The following RSBN1 variants were observed in gnomAD, a reference collection of about 807,000 sequenced individuals.
The protein encoded by RSBN1 is round spermatid basic protein 1, also known as lysine-specific demethylase 9.
RSBN1 carries 23 observed loss-of-function variants against 74.8 expected under a neutral mutation model. The observed-to-expected ratio is 0.31, with a 90% CI of 0.22 to 0.44. RSBN1 has a LOEUF of 0.44. RSBN1 is among the 20% of genes least tolerant of loss of function. RSBN1 has a pLI of 1.00. For missense variants in RSBN1, 808 were observed against 1,020.9 expected, an observed-to-expected ratio of 0.79 and a Z score of 2.84; for synonymous variants, 407 against 379.6, an observed-to-expected ratio of 1.07 and a Z score of -0.84.
At chr1:113,784,847 T>C (rs78491726) in intron 2 of RSBN1, among the ~76,000 whole-genome samples, 21,579 of 152,220 alleles carry the variant, frequency 0.14, 1,950 homozygotes, top group East Asian at 0.23. Context: ...GGAGTTGTTA[T>C]GGGTCAGTGA....
chr1:113,777,166 T>C, intron 4 of RSBN1, 44 bp downstream of exon 4: 3 of 1,569,076 alleles, frequency 1.9e-6, no homozygotes, highest in Non-Finnish European at 2.6e-6. Flanking sequence ...AGCAACCAAC[T>C]AAAAAAAAGT....
rs761363506 is a variant in RSBN1, at chr1:113,766,085, T to C, written c.2304A>G (p.Leu768=). 7 of 1,614,118 alleles carry C rather than the reference T, an allele frequency of 4.3e-6. No individual in the cohort carries two copies. The highest frequency in any genetic ancestry group is 2.2e-5 in the South Asian group (2 of 91,082). ...SSFPPASELN[L]QQDQKTQPIP... is the part of the protein sequence containing the mutation. ...TAGGCTGAGTCTTCTGATCTTGCTG[T>C]AGATTAAGTTCTGATGCAGGTGGGA... Residue 768 remains leucine, a synonymous_variant, in exon 7 of 7, where the codon CTA becomes CTG. Transcript: ENST00000261441.
intron 1 of RSBN1, among the ~76,000 whole-genome samples, chr1:113,805,997 AT>A (rs1173645518): frequency 6.6e-6 from 1 of 152,210 alleles, no homozygotes; most frequent in Non-Finnish European, 1.5e-5. Context: ...CACAGTTTAA[AT>A]TTCGTATGAT....
chr1:113,793,950 A>G (rs1230853664), intron 2 of RSBN1, among the ~76,000 whole-genome samples: 1 of 152,164 alleles, frequency 6.6e-6, no homozygotes, highest in Non-Finnish European at 1.5e-5. Flanking sequence ...TACAGATGTG[A>G]GACACCATGC....
At position 113,811,903 on chromosome 1, in the gene RSBN1, G is replaced by T; in HGVS notation, c.510C>A (p.Leu170=). 1 of 1,609,796 alleles carries T rather than the reference G, an allele frequency of 6.2e-7. No homozygotes were observed. The change falls in exon 1 of 7, where the codon CTC becomes CTA. Residue 170 remains leucine (L), a synonymous_variant. Coordinates refer to ENST00000261441, the MANE Select transcript of RSBN1 (RefSeq NM_018364.5). ...TCACCGTCAGAGGCGAGAAGGTGAA[G>T]AGGGCCGAGGTGCTTGGGGCCGGGA... ...APLPAPSTSA[L]FTFSPLTVSA...
intron 4 of RSBN1, among the ~76,000 whole-genome samples, chr1:113,775,793 C>T (rs1431102838): frequency 6.6e-6 from 1 of 152,226 alleles, no homozygotes; most frequent in Non-Finnish European, 1.5e-5. Flanking sequence ...GCAACAAAAA[C>T]TGCTATAATC....
chr1:113,797,231 C>T (rs867879448), intron 2 of RSBN1, 132 bp downstream of exon 2: 14 of 747,630 alleles, frequency 1.9e-5, no homozygotes, highest in East Asian at 8.1e-5. Context: ...GAGGAAGAGA[C>T]AAACAATTTG....
chr1:113,777,629 TAAGTA>T (rs758808276), intron 3 of RSBN1, 37 bp downstream of exon 3: 238 of 1,570,966 alleles, frequency 1.5e-4, no homozygotes, highest in Non-Finnish European at 1.9e-4. Flanking sequence ...AGTGCCCACT[TAAGTA>T]AAGATCAAAA....
intron 3 of RSBN1, 47 bp from the exon 4 acceptor site, chr1:113,777,399 T>G (rs956895258): frequency 2.2e-5 from 35 of 1,562,200 alleles, no homozygotes; most frequent in Non-Finnish European, 3.0e-5. Flanking sequence ...TTTCAATGAT[T>G]TATAAGTTAA....
intron 4 of RSBN1, among the ~76,000 whole-genome samples, chr1:113,770,455 A>G (rs1659866203): frequency 1.3e-5 from 2 of 152,210 alleles, no homozygotes; most frequent in South Asian, 4.1e-4. Flanking sequence ...TTTATTTTAT[A>G]AACAAGTTTG....
At chr1:113,788,877 C>T (rs1043671726) in intron 2 of RSBN1, among the ~76,000 whole-genome samples, 2 of 151,992 alleles carry the variant, frequency 1.3e-5, no homozygotes, top group African/African-American at 2.4e-5. Flanking sequence ...ACCTTGCCCC[C>T]ACCCCGACCC....
chr1:113,770,847 G>A (rs957796411), intron 4 of RSBN1, among the ~76,000 whole-genome samples: 1 of 151,930 alleles, frequency 6.6e-6, no homozygotes, highest in Admixed American at 6.6e-5. Context: ...AAATGTCTCC[G>A]AATCAAAAGC....
chr1:113,807,701 C>T (rs1660735365), intron 1 of RSBN1, among the ~76,000 whole-genome samples: 2 of 151,292 alleles, frequency 1.3e-5, no homozygotes, highest in Non-Finnish European at 2.9e-5. Flanking sequence ...GCAGAGGTTG[C>T]AGTGAGCCGA....
At chr1:113,811,315 G>A (rs1660838659) in intron 1 of RSBN1, among the ~76,000 whole-genome samples, 1 of 152,172 alleles carries the variant, frequency 6.6e-6, no homozygotes, top group South Asian at 2.1e-4. Context: ...CTATTCTGGA[G>A]CAAGGGAGAG....
At chr1:113,786,483 A>G (rs1334090545) in intron 2 of RSBN1, among the ~76,000 whole-genome samples, 1 of 152,188 alleles carries the variant, frequency 6.6e-6, no homozygotes, top group Non-Finnish European at 1.5e-5. Context: ...TGTCTTTTAA[A>G]GACTGAGGCA....
intron 1 of RSBN1, among the ~76,000 whole-genome samples, chr1:113,804,806 A>G (rs1660669480): frequency 6.6e-6 from 1 of 151,970 alleles, no homozygotes; most frequent in African/African-American, 2.4e-5. Context: ...GTGTTTCTGG[A>G]CTTAAAATCC....
intron 1 of RSBN1, among the ~76,000 whole-genome samples, chr1:113,810,225 T>C (rs1240559819): frequency 1.3e-5 from 2 of 152,312 alleles, no homozygotes; most frequent in East Asian, 3.9e-4. Context: ...TATGCCAATA[T>C]TCACCTTTTT....
chr1:113,794,962 A>G (rs1387540889), intron 2 of RSBN1, among the ~76,000 whole-genome samples: 1 of 152,210 alleles, frequency 6.6e-6, no homozygotes, highest in Non-Finnish European at 1.5e-5. Flanking sequence ...TATGTCTCTA[A>G]AGCAATAAAA....
chr1:113,772,002 T>C (rs1659894480), intron 4 of RSBN1, among the ~76,000 whole-genome samples: 2 of 151,940 alleles, frequency 1.3e-5, no homozygotes, highest in Non-Finnish European at 2.9e-5. Flanking sequence ...GTAGGTGAAA[T>C]ATAGAAAAGA....
Sources: gnomAD v4.1 joint callset for allele counts (sites outside exome capture counted in the v4.1 genomes callset) on GRCh38, gnomAD v4.1.1 for gene constraint, MANE v1.5 for transcripts, NCBI Gene and HGNC (gene_info 2026-07-23, HGNC 2026-07-21) for gene names.